TIPIN: variants seen among roughly 807,000 people sequenced by gnomAD.
TIPIN encodes the protein TIMELESS-interacting protein.
In TIPIN, 29 loss-of-function variants were observed where a neutral mutation model predicts 35.6. That is an observed-to-expected ratio of 0.82 (90% CI 0.61 to 1.11). TIPIN has a LOEUF of 1.11. TIPIN is among the 50% of genes most tolerant of loss of function. TIPIN has a pLI of 0.00. For missense variants in TIPIN, 296 were observed against 345.4 expected (o/e 0.86, Z 1.13); for synonymous variants, 102 against 121.5 (o/e 0.84, Z 1.06).
In TIPIN at chr15:66,336,850, A is replaced by G. The variant is rs747294288; in HGVS notation, c.*108T>C. The G allele has an allele frequency of 1.6e-4, 127 of 813,994 alleles. No homozygotes were observed. The highest frequency in any genetic ancestry group is 1.1e-3 in the Middle Eastern group (3 of 2,672). 50.4% of individuals were successfully genotyped at this position (813,994 alleles called of 1,614,324 possible). A position where few individuals can be genotyped will look rare whatever the true frequency, so the allele number is the denominator to read the frequency against. On this transcript the variant is annotated 3_prime_UTR_variant, in exon 8 of 8. Transcript: ENST00000261881. ...ATTATCAGATTTTAAACAATAATCT[A>G]TAACAGTTTTACTATCTAAGGATTT...
chr15:66,386,325 A>G (rs1566990891), intron 1 of TIPIN: 1 of 152,118 alleles, frequency 6.6e-6, no homozygotes, highest in Non-Finnish European at 1.5e-5. Flanking sequence ...TAAAAAAAAA[A>G]AAATCATCAA....
chr15:66,337,000 C>T lies in TIPIN; in HGVS notation c.864G>A (p.Gln288=), dbSNP rs761076348. The change falls in exon 8 of 8, where the codon CAG becomes CAA. Residue 288 remains glutamine (Q), a synonymous_variant. Transcript: ENST00000261881. ...LLDQSFKNVQ[Q]QLDATSRNIT... ...TATTTCTGGATGTAGCATCAAGTTG[C>T]TGTTGCACATTTTTAAAAGACTGGT... is the stretch of plus-strand genomic sequence containing the variant. 1 of 1,613,558 alleles carries T rather than the reference C, an allele frequency of 6.2e-7. No homozygotes were observed. The highest frequency in any genetic ancestry group is 8.5e-7 in the Non-Finnish European group (1 of 1,179,612).
intron 1 of TIPIN, chr15:66,371,167 C>T (rs1055922907): frequency 3.8e-5 from 35 of 909,756 alleles, no homozygotes; most frequent in African/African-American, 5.5e-5. Flanking sequence ...GCTGAGATCT[C>T]GCCATTGCAC....
At chr15:66,385,990 C>T (rs1316558784) in intron 1 of TIPIN, among the ~76,000 whole-genome samples, 3 of 151,178 alleles carry the variant, frequency 2.0e-5, no homozygotes, top group Non-Finnish European at 4.4e-5. Context: ...AGGCTAGTCT[C>T]GAACTCCTGG....
At chr15:66,376,709 A>T (rs938348494) in intron 1 of TIPIN, among the ~76,000 whole-genome samples, 10 of 151,626 alleles carry the variant, frequency 6.6e-5, no homozygotes, top group African/African-American at 1.2e-4. Context: ...GATTACAGGC[A>T]TGAGCCACCG....
chr15:66,379,771 C>T, intron 1 of TIPIN: 1 of 1,603,818 alleles, frequency 6.2e-7, no homozygotes. Flanking sequence ...TTTTTCTTTC[C>T]AAGAAGACTG....
intron 6 of TIPIN, among the ~76,000 whole-genome samples, chr15:66,342,566 A>ATG (rs2093096672): frequency 3.9e-5 from 6 of 152,084 alleles, no homozygotes; most frequent in Admixed American, 3.9e-4. Flanking sequence ...GTTTCACCGT[A>ATG]TTGGCCAGGC....
chr15:66,360,529 T>C (rs889162152), upstream of TIPIN, among the ~76,000 whole-genome samples: 23 of 152,268 alleles, frequency 1.5e-4, no homozygotes, highest in Admixed American at 1.4e-3. Context: ...GTCATTGATA[T>C]TGTCAATAAC....
At chr15:66,358,026 C>T (rs1269106650), upstream of TIPIN, among the ~76,000 whole-genome samples, 2 of 151,996 alleles carry the variant, frequency 1.3e-5, no homozygotes, top group African/African-American at 4.8e-5. Flanking sequence ...GAGAGGCTGA[C>T]GCAGGAGGAT....
chr15:66,368,221 TA>T (rs769319107), intron 1 of TIPIN, among the ~76,000 whole-genome samples: 7 of 152,038 alleles, frequency 4.6e-5, no homozygotes, highest in Admixed American at 2.0e-4. Context: ...AATTGCTTTT[TA>T]AAAAAATAGT....
chr15:66,346,817 G>A (rs1242173353), intron 6 of TIPIN, among the ~76,000 whole-genome samples: 3 of 149,988 alleles, frequency 2.0e-5, no homozygotes, highest in African/African-American at 4.9e-5. Flanking sequence ...TTTTTGAGAC[G>A]GAGTCTTGCT....
chr15:66,337,774 A>T lies in TIPIN; in HGVS notation c.683-593T>A, dbSNP rs200206906. Among the ~76,000 whole-genome samples the T allele has an allele frequency of 1.0e-3, 52 of 51,016 alleles. 1 individual carries two copies. Among genetic ancestry groups the T allele is most frequent in the East Asian group, 7.0e-3 (10 of 1,420 alleles). The allele number at this position is 51,016 out of a possible 152,430, so 33.5% of individuals were successfully genotyped here. A position where few individuals can be genotyped will look rare whatever the true frequency, so the allele number is the denominator to read the frequency against. On this transcript the variant is annotated intron_variant, in intron 7 of 7. Transcript: ENST00000261881. ...CCATGTCAACAAAACATCAAAAAAAATAAAATAAAAAAAAAAATAATTAGC... is the reference window on the plus strand; with the variant it reads ...CCATGTCAACAAAACATCAAAAAAATTAAAATAAAAAAAAAAATAATTAGC...
chr15:66,381,370 G>A (rs530380322), intron 1 of TIPIN, among the ~76,000 whole-genome samples: 3 of 152,120 alleles, frequency 2.0e-5, no homozygotes, highest in African/African-American at 4.8e-5. Flanking sequence ...CCTGGGAGGC[G>A]TAGGTTGCAG....
intron 1 of TIPIN, among the ~76,000 whole-genome samples, chr15:66,363,882 C>T (rs2093241707): frequency 6.7e-6 from 1 of 148,696 alleles, no homozygotes. Flanking sequence ...CTCGGAGAGG[C>T]TGAGGCAGGA....
chr15:66,366,074 A>T (rs1209422893), intron 1 of TIPIN, among the ~76,000 whole-genome samples: 1 of 151,902 alleles, frequency 6.6e-6, no homozygotes, highest in Non-Finnish European at 1.5e-5. Context: ...ACCTCTTGTT[A>T]AGTGGTGGAG....
upstream of TIPIN, among the ~76,000 whole-genome samples, chr15:66,361,466 A>G (rs1422624041): frequency 4.0e-5 from 6 of 151,032 alleles, no homozygotes; most frequent in Non-Finnish European, 8.8e-5. Context: ...CGTGTTAGCC[A>G]GGATGGTCTC....
chr15:66,337,296 T>C, intron 7 of TIPIN, 115 bp from the exon 8 acceptor site: 1 of 667,306 alleles, frequency 1.5e-6, no homozygotes, highest in Non-Finnish European at 2.4e-6. Flanking sequence ...GATCACTTAA[T>C]GTTAATTATG....
chr15:66,360,659 G>A (rs149557350), upstream of TIPIN, among the ~76,000 whole-genome samples: 181 of 151,952 alleles, frequency 1.2e-3, no homozygotes, highest in African/African-American at 3.8e-3. Flanking sequence ...GTGAAACACC[G>A]TCTCTACTGA....
chr15:66,348,175 T>A (rs996585956), intron 6 of TIPIN: 3 of 151,838 alleles, frequency 2.0e-5, no homozygotes, highest in African/African-American at 7.3e-5. Flanking sequence ...CTGATTAACT[T>A]TTTAAAAATT....
Sources: gnomAD v4.1 joint callset for allele counts (sites outside exome capture counted in the v4.1 genomes callset) on GRCh38, gnomAD v4.1.1 for gene constraint, MANE v1.5 for transcripts, NCBI Gene and HGNC (gene_info 2026-07-23, HGNC 2026-07-21) for gene names.